The following MGMT variants were observed in gnomAD, a reference collection of about 807,000 sequenced individuals.
The protein encoded by MGMT is methylated-DNA--protein-cysteine methyltransferase.
In MGMT, 14 loss-of-function variants were observed where a neutral mutation model predicts 15.9. The ratio of observed to expected loss-of-function variants is 0.88; its 90% confidence interval spans 0.58 to 1.37. The LOEUF (loss-of-function observed/expected upper bound fraction) is 1.37. Ranked by LOEUF, MGMT falls within the 40% of genes most tolerant of loss-of-function variation. The pLI is 0.00. For missense variants in MGMT, 282 were observed against 268.1 expected (o/e 1.05, Z -0.36); for synonymous variants, 130 against 118.2 (o/e 1.10, Z -0.65).
chr10:129,675,373 T>C (rs1847773067), intron 2 of MGMT, among the ~76,000 whole-genome samples: 1 of 152,152 alleles, frequency 6.6e-6, no homozygotes, highest in South Asian at 2.1e-4. Flanking sequence ...AGGGAATGAC[T>C]GGGTTTAGAC....
chr10:129,468,353 T>C (rs1845194101), intron 1 of MGMT, among the ~76,000 whole-genome samples: 1 of 152,136 alleles, frequency 6.6e-6, no homozygotes, highest in Non-Finnish European at 1.5e-5. Flanking sequence ...GCCTGGCTGA[T>C]TGTTAATATC....
intron 2 of MGMT, among the ~76,000 whole-genome samples, chr10:129,655,152 T>A (rs7916804): frequency 0.3 from 45,927 of 151,988 alleles, 7,187 homozygotes; most frequent in African/African-American, 0.33. Context: ...CTGCAGCCAT[T>A]CCCCAGCCAG....
intron 2 of MGMT, among the ~76,000 whole-genome samples, chr10:129,637,593 A>G (rs1187819729): frequency 6.6e-6 from 1 of 152,178 alleles, no homozygotes; most frequent in Non-Finnish European, 1.5e-5. Context: ...GTGTTCCCCA[A>G]ATTCACATGT....
At chr10:129,511,491 T>C (rs1419095708) in intron 1 of MGMT, among the ~76,000 whole-genome samples, 2 of 152,158 alleles carry the variant, frequency 1.3e-5, no homozygotes, top group Non-Finnish European at 2.9e-5. Flanking sequence ...CACGTGCTTC[T>C]TGTAATGGGA....
intron 2 of MGMT, among the ~76,000 whole-genome samples, chr10:129,635,329 G>A (rs926937461): frequency 6.6e-6 from 1 of 152,182 alleles, no homozygotes; most frequent in Non-Finnish European, 1.5e-5. Flanking sequence ...AACTCTGCCT[G>A]TCCTGGTTTC....
intron 2 of MGMT, among the ~76,000 whole-genome samples, chr10:129,583,149 A>T (rs1302963929): frequency 6.6e-6 from 1 of 152,208 alleles, no homozygotes; most frequent in African/African-American, 2.4e-5. Context: ...AATATAATAA[A>T]TGGTGTATCG....
intron 2 of MGMT, among the ~76,000 whole-genome samples, chr10:129,565,577 G>C (rs1333274607): frequency 6.6e-6 from 1 of 152,234 alleles, no homozygotes; most frequent in East Asian, 1.9e-4. Context: ...GTAATTTCTT[G>C]TTGCTTTGGA....
chr10:129,743,090 G>T (rs532911540), intron 3 of MGMT, among the ~76,000 whole-genome samples: 7 of 152,172 alleles, frequency 4.6e-5, no homozygotes, highest in Non-Finnish European at 5.9e-5. Context: ...GCCGCTATGT[G>T]GGTGGTATAT....
intron 2 of MGMT, among the ~76,000 whole-genome samples, chr10:129,627,109 T>C (rs1847158569): frequency 6.6e-6 from 1 of 152,226 alleles, no homozygotes; most frequent in African/African-American, 2.4e-5. Context: ...CTCCCTTGGC[T>C]ATGGCTCAGT....
At chr10:129,749,959 G>A (rs1848734945) in intron 3 of MGMT, among the ~76,000 whole-genome samples, 1 of 151,824 alleles carries the variant, frequency 6.6e-6, no homozygotes, top group Non-Finnish European at 1.5e-5. Flanking sequence ...TTTTTAATTG[G>A]GTTGTTTGAC....
intron 3 of MGMT, among the ~76,000 whole-genome samples, chr10:129,708,715 G>C (rs376611464): frequency 6.6e-6 from 1 of 152,162 alleles, no homozygotes; most frequent in Non-Finnish European, 1.5e-5. Context: ...ATTTTGCATA[G>C]TGAGTTTTTC....
rs554485609 is a variant in MGMT, at chr10:129,661,374, A to G, written c.126-46521A>G. ...CGGATGCAGCCCAGACCCCCCTCATAAGGCTGTACCAACTCATACTCTCAG... is the reference window on the plus strand; with the variant it reads ...CGGATGCAGCCCAGACCCCCCTCATGAGGCTGTACCAACTCATACTCTCAG... On this transcript the variant is annotated intron_variant, in intron 2 of 4. Coordinates refer to ENST00000651593, the MANE Select transcript of MGMT (RefSeq NM_002412.5). 2.6e-5 allele frequency among the ~76,000 whole-genome samples: 4 copies of G among 152,264 alleles called. No homozygotes were observed. In the South Asian group the frequency reaches 6.2e-4, roughly 24 times the overall value.
chr10:129,673,837 A>G (rs1038934742), intron 2 of MGMT, among the ~76,000 whole-genome samples: 5 of 152,228 alleles, frequency 3.3e-5, no homozygotes, highest in African/African-American at 1.2e-4. Flanking sequence ...TTAATATCTC[A>G]GTTGATGCTC....
intron 2 of MGMT, among the ~76,000 whole-genome samples, chr10:129,594,801 C>T (rs1410332230): frequency 6.6e-6 from 1 of 152,232 alleles, no homozygotes; most frequent in East Asian, 1.9e-4. Context: ...CAATGCCCTC[C>T]ATCCTCAGTT....
chr10:129,719,856 T>C (rs567239159), intron 3 of MGMT, among the ~76,000 whole-genome samples: 3 of 152,242 alleles, frequency 2.0e-5, no homozygotes, highest in African/African-American at 7.2e-5. Flanking sequence ...ATGTGTAAAA[T>C]GTCATGAGGG....
At chr10:129,666,611 C>T (rs1190338246) in intron 2 of MGMT, among the ~76,000 whole-genome samples, 1 of 152,118 alleles carries the variant, frequency 6.6e-6, no homozygotes, top group African/African-American at 2.4e-5. Context: ...TGTACTTGGC[C>T]ATTCTGCTAA....
chr10:129,476,298 A>G (rs937406573), intron 1 of MGMT, among the ~76,000 whole-genome samples: 4 of 152,198 alleles, frequency 2.6e-5, no homozygotes, highest in African/African-American at 4.8e-5. Flanking sequence ...TTGTCACTCC[A>G]GAAAGCCTTC....
intron 2 of MGMT, among the ~76,000 whole-genome samples, chr10:129,704,511 G>A (rs1461576359): frequency 6.6e-6 from 1 of 152,122 alleles, no homozygotes; most frequent in Non-Finnish European, 1.5e-5. Context: ...GTTTGGAGAA[G>A]ACCGGGGCAT....
At chr10:129,685,836 C>T (rs1847898781) in intron 2 of MGMT, among the ~76,000 whole-genome samples, 1 of 152,118 alleles carries the variant, frequency 6.6e-6, no homozygotes, top group Non-Finnish European at 1.5e-5. Context: ...GTCTGCATGC[C>T]CACATCTTCC....
Sources: gnomAD v4.1 joint callset for allele counts (sites outside exome capture counted in the v4.1 genomes callset) on GRCh38, gnomAD v4.1.1 for gene constraint, MANE v1.5 for transcripts, NCBI Gene and HGNC (gene_info 2026-07-23, HGNC 2026-07-21) for gene names.